ARHGAP8: variants seen among roughly 807,000 people sequenced by gnomAD.
ARHGAP8 encodes the protein Rho GTPase activating protein 8, also known as rho GTPase-activating protein 8.
ARHGAP8 carries 62 observed loss-of-function variants against 46.1 expected under a neutral mutation model. That is an observed-to-expected ratio of 1.34 (90% CI 1.10 to 1.66). ARHGAP8 has a LOEUF of 1.66. Ranked by LOEUF, ARHGAP8 falls within the 40% of genes most tolerant of loss-of-function variation. The pLI is 0.00. For missense variants in ARHGAP8, 923 were observed against 568.4 expected (o/e 1.62, Z -6.34); for synonymous variants, 375 against 243.1 (o/e 1.54, Z -5.05).
chr22:44,858,312 C>G (rs1488201349), intron 10 of ARHGAP8, among the ~76,000 whole-genome samples: 3 of 149,784 alleles, frequency 2.0e-5, no homozygotes, highest in South Asian at 2.1e-4. Flanking sequence ...CATGTGCATA[C>G]ATGTTCACAC....
intron 1 of ARHGAP8, among the ~76,000 whole-genome samples, chr22:44,767,702 G>A (rs549926331): frequency 6.6e-6 from 1 of 151,366 alleles, no homozygotes; most frequent in South Asian, 2.1e-4. Context: ...GTGAAACCGC[G>A]TTTTTACTAA....
chr22:44,771,265 G>A (rs866005197), intron 1 of ARHGAP8, among the ~76,000 whole-genome samples: 1 of 17,968 alleles, frequency 5.6e-5, no homozygotes, highest in Non-Finnish European at 1.2e-4. Flanking sequence ...TTTTTTTTTT[G>A]AGACGGATTC....
chr22:44,781,799 G>A (rs1263386361), intron 1 of ARHGAP8, among the ~76,000 whole-genome samples: 2 of 152,054 alleles, frequency 1.3e-5, no homozygotes, highest in Admixed American at 1.3e-4. Context: ...TGCTGGGATT[G>A]CAGGCGTGAG....
chr22:44,841,144 C>T (rs998188748), intron 7 of ARHGAP8, among the ~76,000 whole-genome samples: 7 of 152,094 alleles, frequency 4.6e-5, no homozygotes, highest in African/African-American at 1.7e-4. Context: ...TCGTAGGGAA[C>T]GGGGGAGGGA....
chr22:44,758,981 G>A (rs962256258), intron 1 of ARHGAP8, among the ~76,000 whole-genome samples: 1 of 152,208 alleles, frequency 6.6e-6, no homozygotes, highest in African/African-American at 2.4e-5. Context: ...TGTGAACCCA[G>A]CAGGCACAAG....
chr22:44,862,375 G>T lies in ARHGAP8; in HGVS notation c.1082G>T (p.Ser361Ile). The change falls in exon 12 of 12, where the codon AGT becomes ATT. Residue 361 changes from serine to isoleucine, a missense_variant. By Grantham distance (142) the Ser-to-Ile change is moderately radical. Coordinates refer to ENST00000356099, the MANE Select transcript of ARHGAP8 (RefSeq NM_181335.3). Reference protein sequence around the residue: ...IWPSQGVSSLSALVPLNMFTE... With the variant: ...IWPSQGVSSLIALVPLNMFTE... Reference sequence around the variant, plus strand: ...CCATCCCAGGGGGTCTCCTCCCTGAGTGCCCTTGTGCCCCTGAACATGTTC... The same window carrying T: ...CCATCCCAGGGGGTCTCCTCCCTGATTGCCCTTGTGCCCCTGAACATGTTC... 1.2e-6 allele frequency: 2 copies of T among 1,614,160 alleles called. No individual in the cohort carries two copies. The highest frequency in any genetic ancestry group is 1.7e-6 in the Non-Finnish European group (2 of 1,180,008).
At chr22:44,836,009 C>T (rs1931260483) in intron 7 of ARHGAP8, among the ~76,000 whole-genome samples, 1 of 152,056 alleles carries the variant, frequency 6.6e-6, no homozygotes, top group Non-Finnish European at 1.5e-5. Flanking sequence ...GCCGTGTGTG[C>T]CAATCTGACT....
intron 11 of ARHGAP8, among the ~76,000 whole-genome samples, chr22:44,860,570 C>T (rs553219174): frequency 6.6e-4 from 100 of 152,248 alleles, no homozygotes; most frequent in African/African-American, 2.3e-3. Context: ...TGCAACGGCC[C>T]TCGTTCCAAA....
At chr22:44,806,836 C>T (rs998052051) in intron 3 of ARHGAP8, among the ~76,000 whole-genome samples, 1 of 151,716 alleles carries the variant, frequency 6.6e-6, no homozygotes, top group Non-Finnish European at 1.5e-5. Context: ...TGGTGGCAGG[C>T]GCCTGTAGTC....
At chr22:44,806,944 A>G (rs1928965849) in intron 3 of ARHGAP8, among the ~76,000 whole-genome samples, 1 of 144,014 alleles carries the variant, frequency 6.9e-6, no homozygotes, top group South Asian at 2.2e-4. Context: ...AGCCTGGGTG[A>G]CAGACTCTGT....
intron 3 of ARHGAP8, among the ~76,000 whole-genome samples, chr22:44,803,264 TG>T (rs1401430677): frequency 6.6e-6 from 1 of 152,132 alleles, no homozygotes; most frequent in African/African-American, 2.4e-5. Context: ...GCTCCACAGC[TG>T]GTACAGGGTG....
intron 11 of ARHGAP8, among the ~76,000 whole-genome samples, chr22:44,861,875 A>G (rs763463220): frequency 1.3e-5 from 2 of 152,102 alleles, no homozygotes; most frequent in Non-Finnish European, 2.9e-5. Flanking sequence ...AGTGGCCCCT[A>G]GATGTGCTGG....
intron 2 of ARHGAP8, among the ~76,000 whole-genome samples, chr22:44,792,294 G>A (rs1016920765): frequency 6.6e-6 from 1 of 152,138 alleles, no homozygotes; most frequent in Non-Finnish European, 1.5e-5. Context: ...ACAGGCGTGA[G>A]CCACTGCACC....
intron 11 of ARHGAP8, 125 bp downstream of exon 11, chr22:44,859,959 C>A: frequency 1.8e-6 from 2 of 1,116,962 alleles, no homozygotes; most frequent in East Asian, 2.6e-5. Context: ...CCTCGGAATA[C>A]CACTCCCTGC....
chr22:44,798,635 C>G (rs1431074829), intron 2 of ARHGAP8, among the ~76,000 whole-genome samples: 1 of 151,550 alleles, frequency 6.6e-6, no homozygotes, highest in Non-Finnish European at 1.5e-5. Context: ...CACACCTAAT[C>G]TGCACCCTCA....
intron 10 of ARHGAP8, 185 bp from the exon 11 acceptor site, chr22:44,859,546 G>A: frequency 1.6e-6 from 1 of 619,930 alleles, no homozygotes; most frequent in African/African-American, 1.8e-5. Flanking sequence ...AGCAAGAATA[G>A]CCAAACACAC....
At chr22:44,792,808 G>GTGGTGGTGGTGGTGT (rs11282638) in intron 2 of ARHGAP8, among the ~76,000 whole-genome samples, 6 of 150,362 alleles carry the variant, frequency 4.0e-5, no homozygotes, top group Non-Finnish European at 8.9e-5. Context: ...GGTGGTGGTG[G>GTGGTGGTGGTGGTGT]TGGTTTTTTT....
chr22:44,801,124 C>T (rs560136673), intron 2 of ARHGAP8, among the ~76,000 whole-genome samples: 2 of 53,934 alleles, frequency 3.7e-5, no homozygotes, highest in South Asian at 1.0e-3. Flanking sequence ...CACCTCTCCC[C>T]GCAGCTGTCC....
intron 6 of ARHGAP8, among the ~76,000 whole-genome samples, 186 bp from the exon 7 acceptor site, chr22:44,825,297 C>A (rs28455751): frequency 6.6e-6 from 1 of 151,868 alleles, no homozygotes. Context: ...TGCGAACAGC[C>A]CACAGCAATG....
Sources: allele counts gnomAD v4.1 joint callset (sites outside exome capture counted in the v4.1 genomes callset), GRCh38; gene constraint gnomAD v4.1.1; transcripts MANE v1.5; gene names NCBI Gene and HGNC (gene_info 2026-07-23, HGNC 2026-07-21).